Variants in FKBP6 observed in about 807,000 individuals in gnomAD.
FKBP6 encodes inactive peptidyl-prolyl cis-trans isomerase FKBP6.
A neutral mutation model predicts 41.7 loss-of-function variants in FKBP6; 29 were observed. The ratio of observed to expected loss-of-function variants is 0.70; its 90% CI spans 0.52 to 0.95. The LOEUF is 0.95. Among genes scored for constraint, FKBP6 ranks in the 40% least tolerant of loss-of-function variants. The probability of loss-of-function intolerance (pLI) is 0.00; values close to 1 mark genes in which losing one functional copy is unlikely to be tolerated. For missense variants in FKBP6, 338 were observed against 408.7 expected (o/e 0.83, Z 1.49); for synonymous variants, 130 against 165.1 (o/e 0.79, Z 1.63).
intron 8 of FKBP6, among the ~76,000 whole-genome samples, chr7:73,352,201 C>T (rs1009557): frequency 0.027 from 4,059 of 152,252 alleles, 64 homozygotes; most frequent in South Asian, 0.042. Flanking sequence ...TGGCCTCAAG[C>T]GATCCTCCTG....
intron 5 of FKBP6, among the ~76,000 whole-genome samples, chr7:73,333,225 C>G (rs1164457257): frequency 6.6e-6 from 1 of 150,822 alleles, no homozygotes; most frequent in African/African-American, 2.4e-5. Flanking sequence ...GAGCCAAGAT[C>G]GCACCACTGC....
At chr7:73,330,730 AG>A (rs1804814929) in intron 4 of FKBP6, among the ~76,000 whole-genome samples, 1 of 152,210 alleles carries the variant, frequency 6.6e-6, no homozygotes, top group East Asian at 1.9e-4. Context: ...TGTCCAGCCC[AG>A]CACAGGTGAG....
intron 5 of FKBP6, among the ~76,000 whole-genome samples, chr7:73,333,196 A>T (rs1804900796): frequency 6.6e-6 from 1 of 151,192 alleles, no homozygotes; most frequent in Non-Finnish European, 1.5e-5. Flanking sequence ...ACTTGAACCC[A>T]GGAGGCGGAG....
chr7:73,330,578 T>G (rs927104171), intron 4 of FKBP6, among the ~76,000 whole-genome samples: 7 of 152,188 alleles, frequency 4.6e-5, no homozygotes, highest in Non-Finnish European at 8.8e-5. Context: ...GCTGTGAGTT[T>G]AAGGATTAGT....
At chr7:73,330,848 T>C (rs1804818820) in intron 4 of FKBP6, among the ~76,000 whole-genome samples, 1 of 152,198 alleles carries the variant, frequency 6.6e-6, no homozygotes, top group Admixed American at 6.5e-5. Flanking sequence ...CACTTAAGTC[T>C]TGCCTCCTCT....
chr7:73,335,382 C>T (rs1429635159), intron 5 of FKBP6, among the ~76,000 whole-genome samples: 1 of 152,204 alleles, frequency 6.6e-6, no homozygotes, highest in Non-Finnish European at 1.5e-5. Context: ...ATTGAGTCCT[C>T]CTCTTTCTGC....
chr7:73,354,433 G>C (rs1305260316), intron 8 of FKBP6, among the ~76,000 whole-genome samples: 1 of 152,212 alleles, frequency 6.6e-6, no homozygotes, highest in East Asian at 1.9e-4. Flanking sequence ...TCCCTGCAAT[G>C]AGGGTTGGCT....
intron 5 of FKBP6, among the ~76,000 whole-genome samples, chr7:73,337,423 T>C (rs1554548710): frequency 7.3e-5 from 11 of 150,660 alleles, no homozygotes. Context: ...CAAGGGATTC[T>C]CCTGCCTCAG....
At chr7:73,338,486 G>T (rs1184224703) in intron 5 of FKBP6, among the ~76,000 whole-genome samples, 2 of 152,196 alleles carry the variant, frequency 1.3e-5, no homozygotes, top group Non-Finnish European at 2.9e-5. Context: ...CAGTTTTCTT[G>T]GGTATGTGCC....
At chr7:73,336,631 A>G (rs1226415892) in intron 5 of FKBP6, 2 of 401,238 alleles carry the variant, frequency 5.0e-6, no homozygotes, top group South Asian at 1.8e-5. Flanking sequence ...GCATAGGAAT[A>G]GGCAAATGCT....
chr7:73,347,634 A>G (rs181776693), intron 8 of FKBP6, among the ~76,000 whole-genome samples: 1 of 152,194 alleles, frequency 6.6e-6, no homozygotes, highest in Non-Finnish European at 1.5e-5. Context: ...AGCTAAAGAC[A>G]GTATTTCTTG....
intron 5 of FKBP6, among the ~76,000 whole-genome samples, chr7:73,335,325 AAGAC>A (rs1487260586): frequency 6.6e-6 from 1 of 152,162 alleles, no homozygotes; most frequent in African/African-American, 2.4e-5. Context: ...AGTGTGGTCA[AAGAC>A]AGCCTGCACA....
intron 5 of FKBP6, among the ~76,000 whole-genome samples, chr7:73,336,383 G>A (rs893999310): frequency 5.9e-5 from 9 of 152,158 alleles, no homozygotes; most frequent in African/African-American, 2.4e-5. Context: ...GGTGATAGGA[G>A]GCGGCCAGAT....
chr7:73,345,754 G>A (rs1202119830), intron 8 of FKBP6, among the ~76,000 whole-genome samples: 4 of 152,208 alleles, frequency 2.6e-5, no homozygotes, highest in African/African-American at 9.6e-5. Context: ...GACCTGATAG[G>A]AGATTTACCA....
In FKBP6 at chr7:73,340,734, T is replaced by C; in HGVS notation, c.685T>C (p.Tyr229His). The change falls in exon 6 of 9, where the codon TAC (tyrosine) becomes CAC (histidine). Residue 229 changes from tyrosine to histidine, a missense_variant. Transcript: ENST00000252037. ...TGTTCTCCTGAACCTGTCCTTTACA[T>C]ACCTGAAGCTAGACCGACCCACCAT... ...LPVLLNLSFTYLKLDRPTIAL... is the reference protein window; with the variant it reads ...LPVLLNLSFTHLKLDRPTIAL... 1 of 1,613,924 alleles carries C rather than the reference T, an allele frequency of 6.2e-7. No homozygotes were observed. Among genetic ancestry groups the C allele is most frequent in the Non-Finnish European group, 8.5e-7 (1 of 1,179,964 alleles).
At chr7:73,357,610 C>G (rs1554552139) in intron 8 of FKBP6, among the ~76,000 whole-genome samples, 2 of 152,162 alleles carry the variant, frequency 1.3e-5, no homozygotes, top group Non-Finnish European at 1.5e-5. Context: ...TTCTGGAAGT[C>G]TGACTGGAAA....
intron 4 of FKBP6, 150 bp downstream of exon 4, chr7:73,330,502 C>A: frequency 1.4e-6 from 1 of 690,536 alleles, no homozygotes; most frequent in Non-Finnish European, 2.6e-6. Flanking sequence ...AGTTCCTCTG[C>A]TTCCTAGTCT....
intron 5 of FKBP6, 84 bp from the exon 6 acceptor site, chr7:73,340,553 TC>T (rs1805142035): frequency 2.7e-6 from 3 of 1,108,588 alleles, no homozygotes; most frequent in Non-Finnish European, 4.1e-6. Flanking sequence ...GATTTTTAGC[TC>T]TGATAGTTTT....
In FKBP6 at chr7:73,328,405, C is replaced by T. The variant is rs533440026; in HGVS notation, c.-24C>T. ...CGGGGCGCACCAGGCCGAAGGCTCACGCCACAGGGAGGGCAGCTAGGACAT... is the reference window on the plus strand; with the variant it reads ...CGGGGCGCACCAGGCCGAAGGCTCATGCCACAGGGAGGGCAGCTAGGACAT... On this transcript the variant is annotated 5_prime_UTR_variant, in exon 1 of 9. It adds an upstream start codon to the 5' untranslated region. Transcript: ENST00000252037. 1.3e-6 allele frequency: 2 copies of T among 1,568,564 alleles called. No individual in the cohort carries two copies. The highest frequency in any genetic ancestry group is 1.7e-6 in the Non-Finnish European group (2 of 1,157,688).
Sources: allele counts gnomAD v4.1 joint callset (sites outside exome capture counted in the v4.1 genomes callset), GRCh38; gene constraint gnomAD v4.1.1; transcripts MANE v1.5; gene names NCBI Gene and HGNC (gene_info 2026-07-23, HGNC 2026-07-21).